KIF14: variants seen among roughly 807,000 people sequenced by gnomAD.
KIF14 encodes kinesin-like protein KIF14.
KIF14 carries 98 observed loss-of-function variants against 176.2 expected under a neutral mutation model. The observed-to-expected ratio is 0.56, with a 90% CI of 0.47 to 0.66. The LOEUF (loss-of-function observed/expected upper bound fraction) is 0.66, where lower values mean the gene tolerates loss of function less well. KIF14 is among the 30% of genes least tolerant of loss of function. The pLI, the probability that KIF14 is intolerant of heterozygous loss-of-function variation, is 0.00. For missense variants in KIF14, 1,751 were observed against 1,920.4 expected (o/e 0.91, Z 1.65); for synonymous variants, 566 against 632.2 (o/e 0.90, Z 1.57).
intron 22 of KIF14, among the ~76,000 whole-genome samples, chr1:200,571,514 T>C (rs1378822729): frequency 3.3e-5 from 5 of 152,190 alleles, no homozygotes; most frequent in African/African-American, 1.2e-4. Flanking sequence ...TCAATGAAAC[T>C]AACAGAGCAG....
chr1:200,558,460 T>C (rs768692375), intron 27 of KIF14, among the ~76,000 whole-genome samples: 1 of 152,232 alleles, frequency 6.6e-6, no homozygotes, highest in Non-Finnish European at 1.5e-5. Flanking sequence ...TATAAAATCC[T>C]GGCTCAGGGC....
At chr1:200,587,968 AC>A (rs1471209446) in intron 18 of KIF14, among the ~76,000 whole-genome samples, 1 of 152,172 alleles carries the variant, frequency 6.6e-6, no homozygotes, top group Non-Finnish European at 1.5e-5. Context: ...TGGTACCAAT[AC>A]TTTGCAATTA....
chr1:200,560,701 G>A (rs1657092114), intron 26 of KIF14, 21 bp downstream of exon 26: 1 of 1,613,130 alleles, frequency 6.2e-7, no homozygotes, highest in African/African-American at 1.3e-5. Context: ...AAGTCTGTCT[G>A]AACTAACATT....
rs149847803 is a variant in KIF14 at position 200,594,834 on chromosome 1, A to T, written c.2550-1065T>A. On this transcript the variant is annotated intron_variant, in intron 14 of 29. Transcript: ENST00000367350. ...AATTAAAGCATCTAGAGAAAAGTAC[A>T]TGGAAACAATAGTTCACCCTTAGGC... Among the ~76,000 whole-genome samples the T allele has an allele frequency of 2.3e-3, 344 of 152,364 alleles. 2 individuals are homozygous for T. Among genetic ancestry groups the T allele is most frequent in the African/African-American group, 7.9e-3 (329 of 41,580 alleles).
chr1:200,581,761 CTTTT>C (rs66935478), intron 19 of KIF14, among the ~76,000 whole-genome samples: 12 of 83,070 alleles, frequency 1.4e-4, no homozygotes, highest in African/African-American at 5.2e-4. Flanking sequence ...TTTCACTTTC[CTTTT>C]TTTTTTTTTT....
intron 2 of KIF14, among the ~76,000 whole-genome samples, chr1:200,616,805 C>T (rs1238560390): frequency 6.6e-6 from 1 of 152,152 alleles, no homozygotes; most frequent in African/African-American, 2.4e-5. Context: ...TCTGTGTCTT[C>T]CCCACCCACA....
chr1:200,606,914 C>A, intron 5 of KIF14, 116 bp from the exon 6 acceptor site: 9 of 860,634 alleles, frequency 1.0e-5, no homozygotes, highest in South Asian at 1.6e-5. Context: ...TTATTTTATC[C>A]AGGAAAAAAA....
chr1:200,563,625 C>T (rs1046519148), intron 25 of KIF14, among the ~76,000 whole-genome samples: 1 of 152,012 alleles, frequency 6.6e-6, no homozygotes, highest in Non-Finnish European at 1.5e-5. Context: ...CTCAAAGTCC[C>T]AGGCTTAACT....
chr1:200,582,775 G>A (rs1336337808), intron 19 of KIF14, among the ~76,000 whole-genome samples: 6 of 152,020 alleles, frequency 3.9e-5, no homozygotes, highest in East Asian at 3.9e-4. Context: ...GCTTGAAAGC[G>A]GGAGACAGAA....
At chr1:200,590,651 T>C (rs1659006785) in intron 16 of KIF14, among the ~76,000 whole-genome samples, 1 of 152,238 alleles carries the variant, frequency 6.6e-6, no homozygotes, top group African/African-American at 2.4e-5. Context: ...AGAATGGCTA[T>C]TGTTTAACAA....
At chr1:200,566,255 G>A (rs1431217635) in intron 23 of KIF14, among the ~76,000 whole-genome samples, 1 of 151,706 alleles carries the variant, frequency 6.6e-6, no homozygotes, top group Non-Finnish European at 1.5e-5. Context: ...TTACTCTATG[G>A]TAGGAATTAA....
At chr1:200,578,344 T>A (rs1658247688) in intron 21 of KIF14, among the ~76,000 whole-genome samples, 1 of 152,178 alleles carries the variant, frequency 6.6e-6, no homozygotes, top group African/African-American at 2.4e-5. Context: ...CCTCTAAGTT[T>A]TTCCATATGA....
Position 200,554,561 on chromosome 1 carries a change from C to CTTGGTA in KIF14, c.4468_4473dup (p.Tyr1490_Gln1491dup). On this transcript the variant is annotated inframe_insertion, in exon 29 of 30. Coordinates refer to ENST00000367350, the MANE Select transcript of KIF14 (RefSeq NM_014875.3). ...GCACGATTAACCATCCTCTTGAAATCTTGGTATTCAAAGTTTTCTTCTTGT... is the reference window on the plus strand; with the variant it reads ...GCACGATTAACCATCCTCTTGAAATCTTGGTATTGGTATTCAAAGTTTTCTTCTTGT... 1 of 1,554,788 alleles carries CTTGGTA rather than the reference C, an allele frequency of 6.4e-7. No individual in the cohort carries two copies. The highest frequency in any genetic ancestry group is 2.3e-5 in the East Asian group (1 of 44,216).
At chr1:200,585,870 AT>A (rs1477649758) in intron 19 of KIF14, among the ~76,000 whole-genome samples, 2 of 152,156 alleles carry the variant, frequency 1.3e-5, no homozygotes, top group African/African-American at 2.4e-5. Context: ...CAATATATTA[AT>A]TTTGGGGGAA....
At chr1:200,580,148 A>G in intron 21 of KIF14, 106 bp downstream of exon 21, 2 of 534,080 alleles carry the variant, frequency 3.7e-6, no homozygotes, top group Non-Finnish European at 5.7e-6. Context: ...CTATATGGAG[A>G]ATATGTCACT....
intron 27 of KIF14, among the ~76,000 whole-genome samples, chr1:200,556,486 A>G (rs1656835205): frequency 6.6e-6 from 1 of 152,224 alleles, no homozygotes; most frequent in Non-Finnish European, 1.5e-5. Flanking sequence ...CTAAAACCCT[A>G]CCATGAACAA....
At chr1:200,605,825 T>C in intron 7 of KIF14, 39 bp downstream of exon 7, 1 of 1,237,372 alleles carries the variant, frequency 8.1e-7, no homozygotes, top group Non-Finnish European at 1.1e-6. Flanking sequence ...AGGATTATGC[T>C]CTTTCTATCT....
chr1:200,592,400 G>C (rs908301968), intron 15 of KIF14, among the ~76,000 whole-genome samples, 160 bp from the exon 16 acceptor site: 10 of 152,016 alleles, frequency 6.6e-5, no homozygotes, highest in African/African-American at 2.4e-4. Context: ...TTTTGGCACA[G>C]AGTCTCACTA....
At chr1:200,581,626 T>C (rs1215451600) in intron 19 of KIF14, among the ~76,000 whole-genome samples, 2 of 152,036 alleles carry the variant, frequency 1.3e-5, no homozygotes, top group Non-Finnish European at 2.9e-5. Flanking sequence ...ATTTCAAGTA[T>C]TGAGTATTCT....
Sources: gnomAD v4.1 joint callset for allele counts (sites outside exome capture counted in the v4.1 genomes callset) on GRCh38, gnomAD v4.1.1 for gene constraint, MANE v1.5 for transcripts, NCBI Gene and HGNC (gene_info 2026-07-23, HGNC 2026-07-21) for gene names.